The following ITGB5 variants were observed in gnomAD, a reference collection of about 807,000 sequenced individuals.
ITGB5 encodes the protein integrin beta-5.
A neutral mutation model predicts 84.8 loss-of-function variants in ITGB5; 38 were observed. The ratio of observed to expected loss-of-function variants is 0.45; its 90% CI spans 0.35 to 0.59. ITGB5 has a LOEUF of 0.59. Ranked by LOEUF, ITGB5 falls within the 20% of genes least tolerant of loss-of-function variation. The pLI is 0.01. For synonymous variants in ITGB5, 393 were observed against 414.4 expected, an observed-to-expected ratio of 0.95 and a Z score of 0.63; for missense variants, 905 against 1,034.5, an observed-to-expected ratio of 0.87 and a Z score of 1.72.
intron 3 of ITGB5, among the ~76,000 whole-genome samples, chr3:124,854,418 ATAT>A (rs376370623): frequency 6.6e-6 from 1 of 152,374 alleles, no homozygotes; most frequent in African/African-American, 2.4e-5. Flanking sequence ...CCACAATGGA[ATAT>A]TATTTGGCCA....
At chr3:124,848,176 A>T in intron 4 of ITGB5, 133 bp downstream of exon 4, 1 of 933,542 alleles carries the variant, frequency 1.1e-6, no homozygotes, top group East Asian at 2.4e-5. Flanking sequence ...GCTTATCATT[A>T]ATCAAATTAA....
chr3:124,838,159 A>G (rs886989332), intron 5 of ITGB5, among the ~76,000 whole-genome samples: 8 of 151,956 alleles, frequency 5.3e-5, no homozygotes, highest in Non-Finnish European at 1.0e-4. Context: ...CAATGAGTAC[A>G]TGGGGTTTCA....
At chr3:124,814,410 C>T (rs2064553719) in intron 8 of ITGB5, among the ~76,000 whole-genome samples, 1 of 151,058 alleles carries the variant, frequency 6.6e-6, no homozygotes, top group Non-Finnish European at 1.5e-5. Context: ...ATATTATACA[C>T]TTTAAATCAG....
chr3:124,873,430 T>TC lies in ITGB5; in HGVS notation c.156+15dup, dbSNP rs756620685. On this transcript the variant is annotated intron_variant, in intron 2 of 14. Transcript: ENST00000296181. ...AGCATTCCTTCCCTTCTTCCTCCCCTCCCCCACCTACATACCTCTTTGGAG... is the reference window on the plus strand; with the variant it reads ...AGCATTCCTTCCCTTCTTCCTCCCCTCCCCCCACCTACATACCTCTTTGGAG... The TC allele has an allele frequency of 2.6e-6, 4 of 1,520,110 alleles. No homozygotes were observed. In the African/African-American group the frequency reaches 5.5e-5, roughly 21 times the overall value. The allele number at this position is 1,520,110 out of a possible 1,614,324, so 94.2% of individuals were successfully genotyped here.
chr3:124,789,446 C>G (rs1283529279), intron 10 of ITGB5, among the ~76,000 whole-genome samples: 1 of 129,722 alleles, frequency 7.7e-6, no homozygotes, highest in Admixed American at 7.7e-5. Context: ...TTATCAGAAC[C>G]GCCTCTGACT....
chr3:124,883,593 G>A (rs892433748), intron 1 of ITGB5, among the ~76,000 whole-genome samples: 1 of 152,228 alleles, frequency 6.6e-6, no homozygotes, highest in Non-Finnish European at 1.5e-5. Flanking sequence ...GTGGTAGGGG[G>A]TTGGGGGTAG....
Position 124,848,347 on chromosome 3 carries a change from G to A in ITGB5, c.573C>T (p.Ser191=). Residue 191 remains serine, a synonymous_variant, in exon 4 of 15, where the codon TCC becomes TCT. Coordinates refer to ENST00000296181, the MANE Select transcript of ITGB5 (RefSeq NM_002213.5). ...SFVDKDISPF[S]YTAPRYQTNP... ...TGGTCTGGTACCTCGGTGCCGTGTA[G>A]GAGAAAGGAGAGATGTCCTTATCAA... 2 of 1,614,152 alleles carry A rather than the reference G, an allele frequency of 1.2e-6. No homozygotes were observed. The highest frequency in any genetic ancestry group is 1.7e-6 in the Non-Finnish European group (2 of 1,180,040).
At chr3:124,813,863 T>A (rs1463614126) in intron 8 of ITGB5, among the ~76,000 whole-genome samples, 1 of 151,984 alleles carries the variant, frequency 6.6e-6, no homozygotes, top group African/African-American at 2.4e-5. Flanking sequence ...TCCCCAGAGG[T>A]CATGGAGTGG....
chr3:124,782,974 C>CTTTTTT (rs11370689), intron 10 of ITGB5, among the ~76,000 whole-genome samples: 1 of 151,526 alleles, frequency 6.6e-6, no homozygotes, highest in African/African-American at 2.4e-5. Context: ...CCCTTTCTTT[C>CTTTTTT]TTTTTTTTCT....
At chr3:124,781,539 A>G (rs917215266) in intron 10 of ITGB5, among the ~76,000 whole-genome samples, 5 of 152,120 alleles carry the variant, frequency 3.3e-5, no homozygotes, top group East Asian at 3.8e-4. Context: ...CGTGTTCCCA[A>G]CTTCCTCACA....
chr3:124,901,216 A>C (rs1465516937), intron 1 of ITGB5: 1 of 152,188 alleles, frequency 6.6e-6, no homozygotes, highest in Non-Finnish European at 1.5e-5. Context: ...ACATGGTGAA[A>C]CCCTGTCTCT....
At chr3:124,819,857 G>A (rs2064672690) in intron 6 of ITGB5, 23 bp from the exon 7 acceptor site, 1 of 1,536,030 alleles carries the variant, frequency 6.5e-7, no homozygotes, top group Non-Finnish European at 9.0e-7. Flanking sequence ...CAAAAGTCAA[G>A]GCTATGACAT....
At chr3:124,899,853 C>CAAAAAAAAAA (rs60859904) in intron 1 of ITGB5, among the ~76,000 whole-genome samples, 2 of 35,012 alleles carry the variant, frequency 5.7e-5, no homozygotes, top group Non-Finnish European at 8.7e-5. Context: ...GACCCTGTCT[C>CAAAAAAAAAA]AAAAAAAAAA....
chr3:124,861,481 C>CATATATATATAT (rs771303161), intron 2 of ITGB5, among the ~76,000 whole-genome samples: 1,187 of 117,492 alleles, frequency 0.01, 9 homozygotes, highest in South Asian at 0.02. Context: ...CAAAACAAAA[C>CATATATATATAT]ATATATATAT....
chr3:124,857,624 A>G (rs1432221009), intron 3 of ITGB5, among the ~76,000 whole-genome samples: 2 of 152,202 alleles, frequency 1.3e-5, no homozygotes, highest in African/African-American at 4.8e-5. Flanking sequence ...GTAAAATGTG[A>G]AAAAATCTGC....
rs1422093580 is a variant in ITGB5, at chr3:124,849,592, C to T, written c.362-1034G>A. Among the ~76,000 whole-genome samples, 2 of 151,334 alleles carry T rather than the reference C, an allele frequency of 1.3e-5. 1 individual carries two copies. Among genetic ancestry groups the T allele is most frequent in the Middle Eastern group, 6.4e-3 (2 of 314 alleles). On this transcript the variant is annotated intron_variant, in intron 3 of 14. Coordinates refer to ENST00000296181, the MANE Select transcript of ITGB5 (RefSeq NM_002213.5). ...GACAGATTCCAAATTTTAGCTCTAT[C>T]GAAAAAAGAAAACAAGAAGAAAGAG... is the stretch of plus-strand genomic sequence containing the variant.
Position 124,809,141 on chromosome 3 carries a change from C to G in ITGB5, c.1144G>C (p.Val382Leu), listed in dbSNP as rs1053286124. The change falls in exon 9 of 15, where the codon GTG becomes CTG. Residue 382 changes from valine to leucine, a missense_variant. Physicochemically the swap from Val to Leu is conservative, Grantham distance 32. Coordinates refer to ENST00000296181, the MANE Select transcript of ITGB5 (RefSeq NM_002213.5). The stretch of plus-strand genomic sequence containing the variant: ...GGCTGATCCCAGACTGACAACTCCA[C>G]TTTAGACCGGATACTCTGAATGGAG... Reference protein sequence around the residue: ...INAYNSIRSKVELSVWDQPED... With the variant: ...INAYNSIRSKLELSVWDQPED... 3.1e-6 allele frequency: 5 copies of G among 1,614,008 alleles called. No homozygotes were observed. Among genetic ancestry groups the G allele is most frequent in the South Asian group, 1.1e-5 (1 of 91,072 alleles).
intron 10 of ITGB5, among the ~76,000 whole-genome samples, chr3:124,781,568 C>G (rs2064005346): frequency 6.6e-6 from 1 of 152,180 alleles, no homozygotes; most frequent in Non-Finnish European, 1.5e-5. Context: ...CAGCTTGGGT[C>G]CAGGCACCTC....
At chr3:124,866,524 G>A (rs1345790088) in intron 2 of ITGB5, among the ~76,000 whole-genome samples, 2 of 152,252 alleles carry the variant, frequency 1.3e-5, no homozygotes, top group Non-Finnish European at 2.9e-5. Context: ...GAGTAGAAGA[G>A]TTGAGAAACT....
Sources: allele counts gnomAD v4.1 joint callset (sites outside exome capture counted in the v4.1 genomes callset), GRCh38; gene constraint gnomAD v4.1.1; transcripts MANE v1.5; gene names NCBI Gene and HGNC (gene_info 2026-07-23, HGNC 2026-07-21).